PHTF2: variants seen among roughly 807,000 people sequenced by gnomAD.
The protein encoded by PHTF2 is protein PHTF2.
Under a neutral mutation model 101.2 loss-of-function variants are expected in PHTF2, and 60 were observed. The observed-to-expected ratio is 0.59, with a 90% CI of 0.48 to 0.73. The LOEUF (loss-of-function observed/expected upper bound fraction) is 0.73, where lower values mean the gene tolerates loss of function less well. Among genes scored for constraint, PHTF2 ranks in the 30% least tolerant of loss-of-function variants. The pLI, the probability that PHTF2 is intolerant of heterozygous loss-of-function variation, is 0.00. For missense variants in PHTF2, 747 were observed against 908.7 expected, an observed-to-expected ratio of 0.82 and a Z score of 2.29; for synonymous variants, 311 against 307.3, an observed-to-expected ratio of 1.01 and a Z score of -0.13.
At chr7:77,852,324 T>C (rs181515382) in intron 2 of PHTF2, among the ~76,000 whole-genome samples, 5 of 152,354 alleles carry the variant, frequency 3.3e-5, no homozygotes, top group Admixed American at 3.3e-4. Context: ...AAACCCCATC[T>C]CTACTAAAAA....
intron 3 of PHTF2, among the ~76,000 whole-genome samples, chr7:77,863,777 G>GTT (rs1358385068): frequency 8.8e-6 from 1 of 113,924 alleles, no homozygotes. Context: ...TGAGTTCCCT[G>GTT]TTTTGTTTTG....
intron 12 of PHTF2, among the ~76,000 whole-genome samples, chr7:77,933,831 C>A (rs1215240249): frequency 6.6e-6 from 1 of 151,656 alleles, no homozygotes; most frequent in Non-Finnish European, 1.5e-5. Context: ...CCAATTAGGC[C>A]TTTCTTAAAT....
At chr7:77,920,524 G>A in intron 10 of PHTF2, 59 bp downstream of exon 9, 2 of 1,291,804 alleles carry the variant, frequency 1.5e-6, no homozygotes, top group Non-Finnish European at 1.1e-6. Context: ...AATGTAAAGT[G>A]ACTTAGATAT....
At chr7:77,852,229 C>T (rs1023575129) in intron 2 of PHTF2, among the ~76,000 whole-genome samples, 31 of 152,158 alleles carry the variant, frequency 2.0e-4, no homozygotes, top group African/African-American at 2.4e-4. Context: ...TGGTGGCTCC[C>T]GCCTGTATTC....
chr7:77,874,617 A>G (rs1404827457), intron 3 of PHTF2, among the ~76,000 whole-genome samples: 1 of 152,180 alleles, frequency 6.6e-6, no homozygotes, highest in Non-Finnish European at 1.5e-5. Context: ...GCCTGCTTAT[A>G]TTCTAGCTAC....
chr7:77,864,003 C>T lies in PHTF2; in HGVS notation c.147+9169C>T, dbSNP rs1221293220. On this transcript the variant is annotated intron_variant, in intron 3 of 19. Transcript: ENST00000416283. ...CCATGTTGCCCAGGCTGGGCTCAAACTCCTGAGCTCAAGTTATCCTCCAGC... is the reference window on the plus strand; with the variant it reads ...CCATGTTGCCCAGGCTGGGCTCAAATTCCTGAGCTCAAGTTATCCTCCAGC... 5.9e-5 allele frequency among the ~76,000 whole-genome samples: 9 copies of T among 152,240 alleles called. No individual in the cohort carries two copies. The East Asian group carries it at 1.7e-3, about 29-fold the overall frequency.
At chr7:77,932,646 G>GTT (rs1269548898) in intron 12 of PHTF2, among the ~76,000 whole-genome samples, 12 of 151,552 alleles carry the variant, frequency 7.9e-5, no homozygotes, top group African/African-American at 2.9e-4. Flanking sequence ...GTGTGTGTGT[G>GTT]TGTGTGTGTG....
intron 7 of PHTF2, among the ~76,000 whole-genome samples, chr7:77,902,411 T>C (rs1801480578): frequency 6.6e-6 from 1 of 152,214 alleles, no homozygotes; most frequent in Non-Finnish European, 1.5e-5. Flanking sequence ...CAGGGACTGT[T>C]ACTATGCTTC....
intron 1 of PHTF2, among the ~76,000 whole-genome samples, chr7:77,836,989 A>C (rs1795526471): frequency 6.6e-6 from 1 of 151,970 alleles, no homozygotes; most frequent in Non-Finnish European, 1.5e-5. Flanking sequence ...AAAAAAAAAA[A>C]AGAATTTCAG....
At chr7:77,801,041 A>G (rs1028904002) in intron 1 of PHTF2, among the ~76,000 whole-genome samples, 2 of 152,216 alleles carry the variant, frequency 1.3e-5, no homozygotes, top group African/African-American at 2.4e-5. Flanking sequence ...TGAATCCACT[A>G]TTGTACACAG....
At chr7:77,901,311 G>A (rs1015764141) in intron 6 of PHTF2, among the ~76,000 whole-genome samples, 2 of 152,136 alleles carry the variant, frequency 1.3e-5, no homozygotes, top group Non-Finnish European at 1.5e-5. Context: ...CCTTGATGAA[G>A]ACAAGAATAG....
intron 2 of PHTF2, among the ~76,000 whole-genome samples, chr7:77,847,538 A>G (rs1796398502): frequency 6.6e-6 from 1 of 152,224 alleles, no homozygotes; most frequent in Admixed American, 6.5e-5. Flanking sequence ...AGGTTGTGAC[A>G]GAATAAGTCA....
At chr7:77,942,151 A>G (rs1437394741) in intron 15 of PHTF2, among the ~76,000 whole-genome samples, 1 of 152,098 alleles carries the variant, frequency 6.6e-6, no homozygotes, top group Non-Finnish European at 1.5e-5. Context: ...TGGTGTAAAT[A>G]TCACTTCCTT....
chr7:77,841,374 C>T (rs998932375), intron 2 of PHTF2, among the ~76,000 whole-genome samples: 4 of 151,958 alleles, frequency 2.6e-5, no homozygotes, highest in African/African-American at 9.7e-5. Flanking sequence ...GCCACCGCGC[C>T]CAGCCAAACA....
At chr7:77,932,585 GAAGAGAGAGAGAGAGA>G (rs6150174) in intron 12 of PHTF2, among the ~76,000 whole-genome samples, 44,838 of 129,464 alleles carry the variant, frequency 0.35, 8,254 homozygotes, top group East Asian at 0.55. Flanking sequence ...AGAGAAAGAG[GAAGAGAGAGAGAGAGA>G]AAGAGAGAGA....
Position 77,815,905 on chromosome 7 carries a change from T to C in PHTF2, c.-36+16934T>C, listed in dbSNP as rs969436098. Among the ~76,000 whole-genome samples, 9 of 152,234 alleles carry C rather than the reference T, an allele frequency of 5.9e-5. No individual in the cohort carries two copies. In the East Asian group the frequency reaches 1.7e-3, roughly 29 times the overall value. On this transcript the variant is annotated intron_variant, in intron 1 of 19. Coordinates refer to ENST00000416283, the Ensembl canonical transcript of PHTF2. ...GGTCAGTTACAAGTCACATATCTTC[T>C]TTCAAGCTTCATTTTTGTTGTTTTT...
intron 1 of PHTF2, among the ~76,000 whole-genome samples, chr7:77,817,633 G>A (rs1793950756): frequency 6.6e-6 from 1 of 152,118 alleles, no homozygotes; most frequent in Non-Finnish European, 1.5e-5. Context: ...TGACACACGG[G>A]GATTGTGGAA....
At chr7:77,947,961 C>G (rs1423616371) in intron 16 of PHTF2, among the ~76,000 whole-genome samples, 1 of 150,044 alleles carries the variant, frequency 6.7e-6, no homozygotes, top group Non-Finnish European at 1.5e-5. Flanking sequence ...GCCTCAGCCT[C>G]CTGAGTAGCT....
chr7:77,890,241 C>G (rs1468346833), intron 3 of PHTF2, among the ~76,000 whole-genome samples: 1 of 152,144 alleles, frequency 6.6e-6, no homozygotes, highest in African/African-American at 2.4e-5. Context: ...TTACCTACTG[C>G]TTCACTGTGG....
Sources: allele counts gnomAD v4.1 joint callset (sites outside exome capture counted in the v4.1 genomes callset), GRCh38; gene constraint gnomAD v4.1.1; transcripts MANE v1.5; gene names NCBI Gene and HGNC (gene_info 2026-07-23, HGNC 2026-07-21).